The following THADA variants were observed in gnomAD, a reference collection of about 807,000 sequenced individuals.
THADA encodes the protein THADA armadillo repeat containing.
Under a neutral mutation model 219.8 loss-of-function variants are expected in THADA, and 213 were observed. The observed-to-expected ratio is 0.97, with a 90% CI of 0.87 to 1.09. The LOEUF is 1.09. Among genes scored for constraint, THADA ranks in the 50% least tolerant of loss-of-function variants. THADA has a pLI of 0.00. For synonymous variants in THADA, 1,018 were observed against 828.9 expected (o/e 1.23, Z -3.92); for missense variants, 2,956 against 2,311.3 (o/e 1.28, Z -5.72).
rs1397385269 is a variant in THADA, at chr2:43,398,880, G to C, written c.4059-741C>G. Among the ~76,000 whole-genome samples the C allele has an allele frequency of 4.6e-5, 7 of 152,254 alleles. No homozygotes were observed. The East Asian group carries it at 1.4e-3, about 29-fold the overall frequency. ...CTTACTGTTAAGAGAACAAGAGATG[G>C]ACCTTCAAATCACCAAATCCTTGAC... On this transcript the variant is annotated intron_variant, in intron 28 of 37. Transcript: ENST00000405975.
rs148194611 is a variant in THADA at position 43,352,947 on chromosome 2, A to G, written c.4228-8710T>C. ...ATGAGTTTATTCTCCCGTTCTATAT[A>G]TTTGACTTTTATTATTTTTTTAAAG... On this transcript the variant is annotated intron_variant, in intron 29 of 37. Transcript: ENST00000405975. 9.9e-5 allele frequency among the ~76,000 whole-genome samples: 15 copies of G among 152,190 alleles called. No individual in the cohort carries two copies. In the East Asian group the frequency reaches 2.9e-3, roughly 29 times the overall value.
intron 28 of THADA, among the ~76,000 whole-genome samples, chr2:43,409,754 T>C (rs1398774118): frequency 6.6e-6 from 1 of 152,130 alleles, no homozygotes; most frequent in East Asian, 1.9e-4. Context: ...GCATGATGGC[T>C]TACACTTGTA....
chr2:43,491,758 AAAC>A (rs1412895609), intron 25 of THADA, among the ~76,000 whole-genome samples: 1 of 152,200 alleles, frequency 6.6e-6, no homozygotes, highest in Non-Finnish European at 1.5e-5. Context: ...TGAAATTCCC[AAAC>A]AACAGATTTC....
intron 17 of THADA, among the ~76,000 whole-genome samples, chr2:43,552,595 G>A (rs1696874553): frequency 6.6e-6 from 1 of 151,996 alleles, no homozygotes; most frequent in African/African-American, 2.4e-5. Context: ...CCTCTCACTA[G>A]GGTATCAAAC....
chr2:43,425,586 C>T (rs563817170), intron 28 of THADA, among the ~76,000 whole-genome samples: 6 of 152,052 alleles, frequency 3.9e-5, no homozygotes, highest in Non-Finnish European at 8.8e-5. Flanking sequence ...ATTTGGAAGT[C>T]GGACTCTCAG....
intron 4 of THADA, 58 bp from the exon 5 acceptor site, chr2:43,587,060 A>T: frequency 6.6e-7 from 1 of 1,515,976 alleles, no homozygotes; most frequent in Non-Finnish European, 9.0e-7. Context: ...GAATATGTGG[A>T]GAGGGAAGAG....
In THADA at chr2:43,475,433, A is replaced by C. The variant is rs548041669; in HGVS notation, c.3836+9801T>G. Among the ~76,000 whole-genome samples the C allele has an allele frequency of 2.5e-3, 376 of 151,808 alleles. 2 individuals carry two copies. Among genetic ancestry groups the C allele is most frequent in the Middle Eastern group, 0.01 (3 of 294 alleles). Reference sequence around the variant, plus strand: ...GCTAGGCCCTGTCTTAAAAAAAAAAAAAAAAAAAAAAAACCTAGAAAGACT... The same window carrying C: ...GCTAGGCCCTGTCTTAAAAAAAAAACAAAAAAAAAAAAACCTAGAAAGACT... On this transcript the variant is annotated intron_variant, in intron 26 of 37. Coordinates refer to ENST00000405975, the MANE Select transcript of THADA (RefSeq NM_022065.5).
chr2:43,474,535 G>T (rs1573833856), intron 26 of THADA, among the ~76,000 whole-genome samples: 1 of 152,150 alleles, frequency 6.6e-6, no homozygotes, highest in African/African-American at 2.4e-5. Context: ...TCAGATCCTT[G>T]AACCTTGCAA....
At chr2:43,283,639 C>G (rs1023500580) in intron 35 of THADA, among the ~76,000 whole-genome samples, 5 of 152,298 alleles carry the variant, frequency 3.3e-5, no homozygotes, top group African/African-American at 1.2e-4. Context: ...ATCTGTGGAA[C>G]TTTGAACTTG....
intron 29 of THADA, among the ~76,000 whole-genome samples, chr2:43,393,524 A>G (rs1033103954): frequency 1.3e-5 from 2 of 152,176 alleles, no homozygotes; most frequent in African/African-American, 4.8e-5. Flanking sequence ...TCTGGCCAAC[A>G]TGGTGAAACC....
intron 24 of THADA, among the ~76,000 whole-genome samples, chr2:43,503,341 A>G (rs1371130473): frequency 6.6e-6 from 1 of 152,240 alleles, no homozygotes; most frequent in Non-Finnish European, 1.5e-5. Context: ...AATGAAATAG[A>G]ATAAAATACT....
At chr2:43,248,849 G>A (rs1028942466) in intron 36 of THADA, among the ~76,000 whole-genome samples, 2 of 152,058 alleles carry the variant, frequency 1.3e-5, no homozygotes, top group Admixed American at 6.5e-5. Context: ...GGGCTCTCTC[G>A]GCAGTGTGTG....
intron 26 of THADA, among the ~76,000 whole-genome samples, chr2:43,455,515 C>T (rs1682878555): frequency 8.8e-6 from 1 of 113,382 alleles, no homozygotes. Context: ...CTCTCTCTCT[C>T]TCTCACACAC....
chr2:43,243,433 G>A (rs369062457), intron 36 of THADA, among the ~76,000 whole-genome samples: 3 of 152,182 alleles, frequency 2.0e-5, no homozygotes, highest in Admixed American at 6.5e-5. Flanking sequence ...CAGTGCCAAC[G>A]ATGAGAAGCC....
At position 43,257,819 on chromosome 2, in the gene THADA, C is replaced by T. The variant is rs78891009; in HGVS notation, c.5296+21946G>A. 5.3e-3 allele frequency among the ~76,000 whole-genome samples: 804 copies of T among 152,144 alleles called. 3 individuals carry two copies. The highest frequency in any genetic ancestry group is 0.018 in the African/African-American group (726 of 41,484). The stretch of plus-strand genomic sequence containing the variant: ...ATATGTAAACTTTAATTACGTGTTA[C>T]GGATCAGTGAGAGCAAAATGAGGAA... On this transcript the variant is annotated intron_variant, in intron 36 of 37. Coordinates refer to ENST00000405975, the MANE Select transcript of THADA (RefSeq NM_022065.5).
At position 43,322,674 on chromosome 2, in the gene THADA, C is replaced by CTTT. The variant is rs34557514; in HGVS notation, c.4344-2137_4344-2135dup. Among the ~76,000 whole-genome samples, 432 of 54,828 alleles carry CTTT rather than the reference C, an allele frequency of 7.9e-3. 156 individuals are homozygous for CTTT. The highest frequency in any genetic ancestry group is 0.026 in the African/African-American group (302 of 11,746). 36.0% of individuals were successfully genotyped at this position (54,828 alleles called of 152,430 possible). A position where few individuals can be genotyped will look rare whatever the true frequency, so the allele number is the denominator to read the frequency against. ...CATATCCTTCCAAGCACATTCTATT[C>CTTT]TTTTTTTTTTTTTTTTTTTTTTTTT... On this transcript the variant is annotated intron_variant, in intron 30 of 37. Transcript: ENST00000405975.
At chr2:43,538,246 T>C (rs759442594) in intron 21 of THADA, among the ~76,000 whole-genome samples, 2 of 152,182 alleles carry the variant, frequency 1.3e-5, no homozygotes, top group African/African-American at 4.8e-5. Context: ...AACATCAAGT[T>C]TGAAAACTCC....
At chr2:43,528,288 G>A (rs948781292) in intron 21 of THADA, among the ~76,000 whole-genome samples, 3 of 151,812 alleles carry the variant, frequency 2.0e-5, no homozygotes, top group East Asian at 1.9e-4. Flanking sequence ...CTGCCACCAC[G>A]CCTGGCTAAT....
intron 30 of THADA, among the ~76,000 whole-genome samples, chr2:43,326,842 T>C (rs1679392272): frequency 6.6e-6 from 1 of 152,218 alleles, no homozygotes; most frequent in Non-Finnish European, 1.5e-5. Flanking sequence ...ACTTTGGACT[T>C]ACCAAGCTCT....
Sources: allele counts gnomAD v4.1 joint callset (sites outside exome capture counted in the v4.1 genomes callset), GRCh38; gene constraint gnomAD v4.1.1; transcripts MANE v1.5; gene names NCBI Gene and HGNC (gene_info 2026-07-23, HGNC 2026-07-21).